IQCJ: variants seen among roughly 807,000 people sequenced by gnomAD.
IQCJ encodes the protein IQ domain-containing protein J.
IQCJ carries 9 observed loss-of-function variants against 11.0 expected under a neutral mutation model. The observed-to-expected ratio is 0.82, with a 90% CI of 0.49 to 1.43. IQCJ has a LOEUF of 1.43. IQCJ is among the 40% of genes most tolerant of loss of function. The probability of loss-of-function intolerance (pLI) is 0.00; values close to 1 mark genes in which losing one functional copy is unlikely to be tolerated. For missense variants in IQCJ, 146 were observed against 133.2 expected (o/e 1.10, Z -0.47); for synonymous variants, 55 against 51.3 (o/e 1.07, Z -0.31).
At chr3:159,123,604 G>A (rs1460468479) in intron 1 of IQCJ, among the ~76,000 whole-genome samples, 6 of 152,128 alleles carry the variant, frequency 3.9e-5, no homozygotes, top group African/African-American at 1.4e-4. Flanking sequence ...GGAACAGAAT[G>A]GGTGGGCAGG....
chr3:159,093,478 T>C (rs1717492234), intron 1 of IQCJ, among the ~76,000 whole-genome samples: 1 of 151,842 alleles, frequency 6.6e-6, no homozygotes, highest in African/African-American at 2.4e-5. Context: ...AATGCTCCAC[T>C]TTTGAGTGAT....
At chr3:159,100,903 C>T (rs1173502438) in intron 1 of IQCJ, among the ~76,000 whole-genome samples, 6 of 29,092 alleles carry the variant, frequency 2.1e-4, no homozygotes, top group East Asian at 6.1e-4. Flanking sequence ...CCACCCAGTT[C>T]GAGCTTCCGG....
chr3:159,214,215 C>A (rs1227138261), intron 1 of IQCJ, among the ~76,000 whole-genome samples: 1 of 152,162 alleles, frequency 6.6e-6, no homozygotes, highest in East Asian at 1.9e-4. Context: ...TCCCTCCTTC[C>A]ATTCTTATAA....
chr3:159,265,516 G>T (rs1206388109), downstream of IQCJ: 3 of 817,242 alleles, frequency 3.7e-6, no homozygotes, highest in Non-Finnish European at 5.6e-6. Context: ...GAACTTCTGT[G>T]TTAAAAGCCT....
At chr3:159,220,679 C>T (rs1291004247) in intron 1 of IQCJ, among the ~76,000 whole-genome samples, 1 of 152,106 alleles carries the variant, frequency 6.6e-6, no homozygotes, top group Non-Finnish European at 1.5e-5. Flanking sequence ...TCCTGGGTTC[C>T]AGGATCAGAA....
intron 1 of IQCJ, among the ~76,000 whole-genome samples, chr3:159,096,285 G>C (rs1327268374): frequency 6.7e-6 from 1 of 149,970 alleles, no homozygotes. Context: ...AGATGAGTAG[G>C]TTGTGAAAAT....
intron 1 of IQCJ, among the ~76,000 whole-genome samples, chr3:159,194,566 G>A (rs981793090): frequency 6.6e-6 from 1 of 152,172 alleles, no homozygotes; most frequent in Non-Finnish European, 1.5e-5. Context: ...GATTAGCAGT[G>A]CATTTCTTAT....
At chr3:159,187,482 G>A (rs923615656) in intron 1 of IQCJ, among the ~76,000 whole-genome samples, 1 of 152,214 alleles carries the variant, frequency 6.6e-6, no homozygotes, top group African/African-American at 2.4e-5. Flanking sequence ...CCTTTTCAAC[G>A]AACTTGTCTC....
At chr3:159,130,596 A>C (rs1350853895) in intron 1 of IQCJ, among the ~76,000 whole-genome samples, 1 of 152,178 alleles carries the variant, frequency 6.6e-6, no homozygotes, top group Non-Finnish European at 1.5e-5. Context: ...GATGAAATAA[A>C]ATACATTGTG....
intron 1 of IQCJ, among the ~76,000 whole-genome samples, chr3:159,086,476 G>C (rs1034707551): frequency 1.5e-4 from 23 of 152,174 alleles, no homozygotes; most frequent in Non-Finnish European, 2.8e-4. Flanking sequence ...AGCTTGATGG[G>C]GATGGCATTG....
intron 1 of IQCJ, among the ~76,000 whole-genome samples, chr3:159,221,193 C>T (rs930233938): frequency 2.6e-5 from 4 of 152,026 alleles, no homozygotes; most frequent in African/African-American, 9.7e-5. Flanking sequence ...TTCAAATGTC[C>T]ACCATTCTAT....
At chr3:159,165,924 G>A (rs544754772) in intron 1 of IQCJ, among the ~76,000 whole-genome samples, 7 of 151,634 alleles carry the variant, frequency 4.6e-5, no homozygotes, top group African/African-American at 9.7e-5. Flanking sequence ...CACCGCGCCC[G>A]GCCAAAGCAT....
At chr3:159,215,814 T>A (rs1725193092) in intron 1 of IQCJ, among the ~76,000 whole-genome samples, 2 of 152,076 alleles carry the variant, frequency 1.3e-5, no homozygotes, top group South Asian at 4.2e-4. Flanking sequence ...ATGCATTATT[T>A]TTTTAGTGAA....
intron 1 of IQCJ, among the ~76,000 whole-genome samples, chr3:159,172,423 T>A (rs1367466615): frequency 6.6e-6 from 1 of 152,144 alleles, no homozygotes; most frequent in African/African-American, 2.4e-5. Context: ...TGATGGAATT[T>A]TTTTTTTCCT....
chr3:159,078,297 T>G (rs1190421001), intron 1 of IQCJ, among the ~76,000 whole-genome samples: 1 of 152,092 alleles, frequency 6.6e-6, no homozygotes, highest in East Asian at 1.9e-4. Context: ...ATATAAAAGT[T>G]ACATTGCTTT....
At chr3:159,082,084 CAA>C (rs1305143032) in intron 1 of IQCJ, among the ~76,000 whole-genome samples, 4 of 151,902 alleles carry the variant, frequency 2.6e-5, no homozygotes, top group African/African-American at 9.7e-5. Flanking sequence ...CAATTTAGTT[CAA>C]ATGTTCATCA....
At chr3:159,200,064 T>C (rs1471690448) in intron 1 of IQCJ, among the ~76,000 whole-genome samples, 1 of 122,850 alleles carries the variant, frequency 8.1e-6, no homozygotes, top group Non-Finnish European at 1.7e-5. Context: ...AAATTATATA[T>C]ATATGTGTGT....
At chr3:159,135,731 A>C (rs2108169939) in intron 1 of IQCJ, among the ~76,000 whole-genome samples, 1 of 152,288 alleles carries the variant, frequency 6.6e-6, no homozygotes, top group South Asian at 2.1e-4. Flanking sequence ...TACCAAATGC[A>C]AGGGAGTCTG....
chr3:159,219,788 A>T (rs188947595), intron 1 of IQCJ, among the ~76,000 whole-genome samples: 12 of 151,812 alleles, frequency 7.9e-5, no homozygotes, highest in African/African-American at 2.9e-4. Flanking sequence ...CTGGGAAATG[A>T]CTCTTGTGGT....
Sources: allele counts gnomAD v4.1 joint callset (sites outside exome capture counted in the v4.1 genomes callset), GRCh38; gene constraint gnomAD v4.1.1; transcripts MANE v1.5; gene names NCBI Gene and HGNC (gene_info 2026-07-23, HGNC 2026-07-21).